The following HERC2 variants were observed in gnomAD, a reference collection of about 807,000 sequenced individuals.
HERC2 encodes the protein HECT and RLD domain containing E3 ubiquitin protein ligase 2, also known as E3 ubiquitin-protein ligase HERC2.
Under a neutral mutation model 537.7 loss-of-function variants are expected in HERC2, and 102 were observed. The ratio of observed to expected loss-of-function variants is 0.19; its 90% confidence interval spans 0.16 to 0.22. The LOEUF is 0.22. Among genes scored for constraint, HERC2 ranks in the 10% least tolerant of loss-of-function variants. The pLI, the probability that HERC2 is intolerant of heterozygous loss-of-function variation, is 1.00. For synonymous variants in HERC2, 2,224 were observed against 2,466.2 expected (o/e 0.90, Z 2.91); for missense variants, 4,236 against 6,198.2 (o/e 0.68, Z 10.63).
At chr15:28,174,723 T>C in intron 64 of HERC2, 103 bp from the exon 65 acceptor site, 1 of 942,218 alleles carries the variant, frequency 1.1e-6, no homozygotes, top group East Asian at 2.6e-5. Flanking sequence ...CCACGGTAGT[T>C]GAAAGAATTG....
At chr15:28,210,839 G>A (rs1247239803) in intron 44 of HERC2, among the ~76,000 whole-genome samples, 163 bp downstream of exon 44, 3 of 152,204 alleles carry the variant, frequency 2.0e-5, no homozygotes, top group East Asian at 1.9e-4. Flanking sequence ...ATAAGATGAC[G>A]ATGACAATTT....
intron 69 of HERC2, among the ~76,000 whole-genome samples, chr15:28,158,491 T>C (rs1389447731): frequency 6.6e-6 from 1 of 152,260 alleles, no homozygotes; most frequent in Non-Finnish European, 1.5e-5. Context: ...CATTATGTAA[T>C]GGCCTTCTTT....
At chr15:28,317,242 T>C (rs1358266860) in intron 2 of HERC2, among the ~76,000 whole-genome samples, 1 of 152,120 alleles carries the variant, frequency 6.6e-6, no homozygotes, top group African/African-American at 2.4e-5. Context: ...AAGCGCACAC[T>C]ACCACGCCTG....
At chr15:28,267,336 T>C (rs1420967949) in intron 12 of HERC2, among the ~76,000 whole-genome samples, 2 of 152,246 alleles carry the variant, frequency 1.3e-5, no homozygotes, top group Non-Finnish European at 2.9e-5. Flanking sequence ...CTTGAAGTCC[T>C]AGAATAAGGC....
At chr15:28,304,887 C>T (rs1197530775) in intron 2 of HERC2, among the ~76,000 whole-genome samples, 1 of 129,294 alleles carries the variant, frequency 7.7e-6, no homozygotes, top group East Asian at 2.1e-4. Flanking sequence ...CACCACAGTC[C>T]CCAGAGTGTG....
At chr15:28,168,629 CT>C in intron 66 of HERC2, 39 bp from the exon 67 acceptor site, 1 of 1,581,900 alleles carries the variant, frequency 6.3e-7, no homozygotes, top group Non-Finnish European at 8.6e-7. Flanking sequence ...TGAGCTGCCC[CT>C]TCTCCACTGC....
intron 78 of HERC2, 88 bp downstream of exon 78, chr15:28,141,344 T>C: frequency 3.6e-6 from 4 of 1,102,638 alleles, no homozygotes; most frequent in Non-Finnish European, 5.6e-6. Context: ...TTAGTACAGA[T>C]CCTTGCACGT....
At chr15:28,112,416 T>C (rs1887745968) in intron 92 of HERC2, among the ~76,000 whole-genome samples, 1 of 152,206 alleles carries the variant, frequency 6.6e-6, no homozygotes, top group Non-Finnish European at 1.5e-5. Context: ...GCAAGAATTA[T>C]GGACAAAAAC....
At position 28,132,101 on chromosome 15, in the gene HERC2, T is replaced by C; in HGVS notation, c.12569A>G (p.Lys4190Arg). 1 of 1,600,324 alleles carries C rather than the reference T, an allele frequency of 6.2e-7. No individual in the cohort carries two copies. The highest frequency in any genetic ancestry group is 8.5e-7 in the Non-Finnish European group (1 of 1,170,496). Residue 4190 changes from lysine (K) to arginine (R), a missense_variant and splice_region_variant, in exon 81 of 93, where the codon AAG becomes AGG. Physicochemically the swap from Lys to Arg is conservative, Grantham distance 26. Around this residue, in one of 27 missense-constraint regions of HERC2, gnomAD observed 38 missense variants for 36.7 expected, o/e 1.04. Coordinates refer to ENST00000261609, the MANE Select transcript of HERC2 (RefSeq NM_004667.6). ...GGGCAGGGAAAGAATGGGAAATACC[T>C]TCATAGGCACTTTACAGCCATCGCT... ...GGSDGCKVPM[K>R]IDSLTGLGVV...
At position 28,225,712 on chromosome 15, in the gene HERC2, A is replaced by AG. The variant is rs1404114467; in HGVS notation, c.5464+2505_5464+2506insC. ...ACTCCGTCTCAAAAAAAAAAAAAAA[A>AG]AAAGAAAGAAAAAAAAGAAGATGCA... is the stretch of plus-strand genomic sequence containing the variant. On this transcript the variant is annotated intron_variant, in intron 35 of 92. Transcript: ENST00000261609. 3.9e-3 allele frequency among the ~76,000 whole-genome samples: 591 copies of AG among 151,186 alleles called. 4 individuals are homozygous for AG. The highest frequency in any genetic ancestry group is 0.013 in the African/African-American group (547 of 41,290).
chr15:28,252,285 T>G (rs1279664013), intron 20 of HERC2, among the ~76,000 whole-genome samples: 5 of 151,892 alleles, frequency 3.3e-5, no homozygotes, highest in Non-Finnish European at 7.4e-5. Flanking sequence ...CCAGTCTCGG[T>G]GCACGGGAAC....
At chr15:28,135,758 C>G (rs901248183) in intron 78 of HERC2, 66 bp from the exon 79 acceptor site, 43 of 1,165,314 alleles carry the variant, frequency 3.7e-5, no homozygotes, top group Non-Finnish European at 5.4e-5. Flanking sequence ...TTTACTAATT[C>G]ATAAACCTAA....
intron 68 of HERC2, 98 bp downstream of exon 68, chr15:28,167,589 T>C (rs929329662): frequency 1.4e-5 from 20 of 1,430,122 alleles, no homozygotes; most frequent in Admixed American, 7.4e-5. Flanking sequence ...GTGAATGGGA[T>C]AGGAATAGAC....
At chr15:28,145,086 G>A (rs1891600494) in intron 71 of HERC2, among the ~76,000 whole-genome samples, 1 of 152,248 alleles carries the variant, frequency 6.6e-6, no homozygotes, top group Non-Finnish European at 1.5e-5. Context: ...CACCCAGTGG[G>A]GAAATGACCC....
intron 17 of HERC2, 52 bp downstream of exon 17, chr15:28,257,009 A>C: frequency 6.7e-7 from 1 of 1,482,844 alleles, no homozygotes; most frequent in South Asian, 1.2e-5. Context: ...ACCTTCTTAC[A>C]AATCCCTAAG....
rs544311276 is a variant in HERC2, at chr15:28,233,528, G to A, written c.4385C>T (p.Ala1462Val). Reference protein sequence around the residue: ...HVALSLVHAGALGIEQVKHRT... With the variant: ...HVALSLVHAGVLGIEQVKHRT... The stretch of plus-strand genomic sequence containing the variant: ...GTGCTTTACTTGCTCAATACCAAGT[G>A]CACCTGCATGAACTAAAGATAATGC... The change falls in exon 29 of 93, where the codon GCA becomes GTA. Residue 1462 changes from alanine (A) to valine (V), a missense_variant. Ala to Val is a moderately conservative substitution (Grantham distance 64). Around this residue, in one of 27 missense-constraint regions of HERC2, gnomAD observed 94 missense variants for 174.9 expected, o/e 0.54. Transcript: ENST00000261609. 12 of 1,598,618 alleles carry A rather than the reference G, an allele frequency of 7.5e-6. No individual in the cohort carries two copies. In the African/African-American group the frequency reaches 9.4e-5, roughly 12 times the overall value.
At chr15:28,204,616 CAAAAAAAAA>C (rs55840834) in intron 45 of HERC2, among the ~76,000 whole-genome samples, 1 of 51,276 alleles carries the variant, frequency 2.0e-5, no homozygotes, top group South Asian at 6.3e-4. Flanking sequence ...GAGACTCCGT[CAAAAAAAAA>C]AAAAAAAAAG....
intron 4 of HERC2, among the ~76,000 whole-genome samples, chr15:28,286,855 T>G (rs983569054): frequency 5.9e-5 from 9 of 152,134 alleles, no homozygotes; most frequent in Admixed American, 3.9e-4. Context: ...AAATGTGCAC[T>G]TCTGAACTCC....
chr15:28,237,467 G>A (rs1902582578), intron 25 of HERC2, among the ~76,000 whole-genome samples: 1 of 152,082 alleles, frequency 6.6e-6, no homozygotes, highest in Admixed American at 6.5e-5. Flanking sequence ...GAACCCACTG[G>A]GCAACAAAAC....
Sources: gnomAD v4.1 joint callset for allele counts (sites outside exome capture counted in the v4.1 genomes callset) on GRCh38, gnomAD v4.1.1 for gene constraint, gnomAD v4.1.1 regional missense constraint, MANE v1.5 for transcripts, NCBI Gene and HGNC (gene_info 2026-07-23, HGNC 2026-07-21) for gene names.